RUNX1: variants seen among roughly 807,000 people sequenced by gnomAD.
RUNX1 encodes the protein runt-related transcription factor 1.
In RUNX1, 19 loss-of-function variants were observed where a neutral mutation model predicts 42.8. The observed-to-expected ratio is 0.44, with a 90% CI of 0.31 to 0.65. The LOEUF is 0.65. Ranked by LOEUF, RUNX1 falls within the 30% of genes least tolerant of loss-of-function variation. RUNX1 has a pLI of 0.07. For missense variants in RUNX1, 528 were observed against 672.0 expected (o/e 0.79, Z 2.37); for synonymous variants, 271 against 289.4 (o/e 0.94, Z 0.64).
chr21:34,953,560 T>C (rs1012436839), intron 2 of RUNX1, among the ~76,000 whole-genome samples: 7 of 152,192 alleles, frequency 4.6e-5, no homozygotes, highest in African/African-American at 1.4e-4. Flanking sequence ...AGGTTTTTGA[T>C]GACATAGTGG....
At chr21:34,825,577 C>T (rs889353862) in intron 7 of RUNX1, among the ~76,000 whole-genome samples, 3 of 152,158 alleles carry the variant, frequency 2.0e-5, no homozygotes, top group African/African-American at 7.2e-5. Context: ...ACCTGTCTAC[C>T]ATGTTTGTTC....
chr21:34,803,829 GAAGA>G (rs1318791619), intron 7 of RUNX1, among the ~76,000 whole-genome samples: 2 of 152,142 alleles, frequency 1.3e-5, no homozygotes, highest in Non-Finnish European at 2.9e-5. Context: ...TATCACACAA[GAAGA>G]AAGGAGAATG....
intron 7 of RUNX1, among the ~76,000 whole-genome samples, chr21:34,822,834 C>T (rs1169473488): frequency 6.6e-6 from 1 of 152,292 alleles, no homozygotes; most frequent in African/African-American, 2.4e-5. Context: ...GTTATAATCC[C>T]GCGAGACTTA....
chr21:34,840,099 T>C (rs116189288), intron 6 of RUNX1, among the ~76,000 whole-genome samples: 4,603 of 152,302 alleles, frequency 0.03, 88 homozygotes, highest in African/African-American at 0.051. Context: ...TCAGAGTCAC[T>C]GTCATGATAA....
intron 2 of RUNX1, among the ~76,000 whole-genome samples, chr21:34,956,266 C>T (rs2146686528): frequency 6.6e-6 from 1 of 152,100 alleles, no homozygotes; most frequent in South Asian, 2.1e-4. Flanking sequence ...TTTGCCATAG[C>T]CCAAGCAGAA....
At chr21:34,816,802 C>T (rs2056833193) in intron 7 of RUNX1, among the ~76,000 whole-genome samples, 1 of 152,284 alleles carries the variant, frequency 6.6e-6, no homozygotes, top group Admixed American at 6.5e-5. Flanking sequence ...CTGCAGCATT[C>T]ACCCACCTCA....
intron 7 of RUNX1, among the ~76,000 whole-genome samples, chr21:34,818,192 C>T (rs1407643736): frequency 6.6e-6 from 1 of 152,194 alleles, no homozygotes; most frequent in Non-Finnish European, 1.5e-5. Flanking sequence ...GCCTATTCAC[C>T]CCACTCCTCC....
chr21:34,977,771 G>A (rs1188345075), intron 2 of RUNX1, among the ~76,000 whole-genome samples: 1 of 152,168 alleles, frequency 6.6e-6, no homozygotes, highest in East Asian at 1.9e-4. Context: ...TCGCTGGAGA[G>A]GCCAAAAAGC....
intron 2 of RUNX1, among the ~76,000 whole-genome samples, chr21:35,041,425 C>T (rs967570304): frequency 6.6e-6 from 1 of 152,084 alleles, no homozygotes; most frequent in Non-Finnish European, 1.5e-5. Context: ...TTTGAGGCCC[C>T]AAAAATGTCT....
intron 8 of RUNX1, among the ~76,000 whole-genome samples, chr21:34,799,039 C>G (rs1236267459): frequency 2.0e-5 from 3 of 152,178 alleles, no homozygotes; most frequent in Non-Finnish European, 4.4e-5. Context: ...CCTTCAGTCA[C>G]CATCCTTTCT....
chr21:34,842,693 C>A (rs1468639351), intron 6 of RUNX1, among the ~76,000 whole-genome samples: 1 of 152,024 alleles, frequency 6.6e-6, no homozygotes, highest in East Asian at 1.9e-4. Context: ...TACAAAAACA[C>A]AGATGGCACA....
intron 6 of RUNX1, among the ~76,000 whole-genome samples, chr21:34,835,425 T>C (rs544681599): frequency 2.6e-4 from 40 of 151,706 alleles, no homozygotes; most frequent in African/African-American, 9.4e-4. Context: ...TCAGTGTCTA[T>C]ATAGGGTGGG....
At chr21:34,853,807 C>A in intron 6 of RUNX1, among the ~76,000 whole-genome samples, 1 of 134,756 alleles carries the variant, frequency 7.4e-6, no homozygotes, top group Non-Finnish European at 1.6e-5. Context: ...CCTTCCCTTC[C>A]TTCCTTCATT....
intron 2 of RUNX1, among the ~76,000 whole-genome samples, chr21:34,970,657 G>C (rs2058757479): frequency 6.6e-6 from 1 of 152,180 alleles, no homozygotes; most frequent in Admixed American, 6.5e-5. Flanking sequence ...CTTAATGTGT[G>C]CATATTATTC....
intron 7 of RUNX1, among the ~76,000 whole-genome samples, chr21:34,818,005 G>A (rs1288658812): frequency 2.0e-5 from 3 of 152,166 alleles, no homozygotes; most frequent in South Asian, 2.1e-4. Context: ...AACAGTTTGC[G>A]GTTTCATCAA....
chr21:34,820,249 G>A (rs1201769137), intron 7 of RUNX1, among the ~76,000 whole-genome samples: 2 of 152,130 alleles, frequency 1.3e-5, no homozygotes, highest in African/African-American at 2.4e-5. Flanking sequence ...GGGTGGGGCT[G>A]AGTAGAATGG....
At chr21:34,959,283 A>G (rs1332547284) in intron 2 of RUNX1, among the ~76,000 whole-genome samples, 5 of 152,162 alleles carry the variant, frequency 3.3e-5, no homozygotes, top group Non-Finnish European at 7.3e-5. Context: ...AGGGGAACAA[A>G]GAAGTGCACT....
rs77112753 is a variant in RUNX1 at position 35,007,427 on chromosome 21, G to A, written c.58+41415C>T. ...GAACTGTGCCTTAATGCCCTGGCCC[G>A]GTTGGGTCTCCATCCCTGCATCCCT... On this transcript the variant is annotated intron_variant, in intron 2 of 8. Transcript: ENST00000675419. Among the ~76,000 whole-genome samples the A allele has an allele frequency of 3.0e-3, 455 of 152,170 alleles. 16 individuals are homozygous for A. The East Asian group carries it at 0.071, about 24-fold the overall frequency.
At chr21:34,955,484 C>T (rs2058637793) in intron 2 of RUNX1, among the ~76,000 whole-genome samples, 1 of 152,150 alleles carries the variant, frequency 6.6e-6, no homozygotes, top group Non-Finnish European at 1.5e-5. Context: ...ATTACTCTTT[C>T]TCAGGATTAT....
Sources: allele counts gnomAD v4.1 joint callset (sites outside exome capture counted in the v4.1 genomes callset), GRCh38; gene constraint gnomAD v4.1.1; transcripts MANE v1.5; gene names NCBI Gene and HGNC (gene_info 2026-07-23, HGNC 2026-07-21).